GLDC: variants seen among roughly 807,000 people sequenced by gnomAD.
GLDC encodes glycine decarboxylase.
In GLDC, 104 loss-of-function variants were observed where a neutral mutation model predicts 121.3. That is an observed-to-expected ratio of 0.86 (90% CI 0.73 to 1.01). The LOEUF (loss-of-function observed/expected upper bound fraction) is 1.01. Ranked by LOEUF, GLDC falls within the 50% of genes least tolerant of loss-of-function variation. GLDC has a pLI of 0.00. For missense variants in GLDC, 1,429 were observed against 1,306.6 expected, an observed-to-expected ratio of 1.09 and a Z score of -1.44; for synonymous variants, 546 against 480.6, an observed-to-expected ratio of 1.14 and a Z score of -1.78.
chr9:6,604,873 A>T, intron 6 of GLDC, 89 bp from the exon 7 acceptor site: 1 of 1,109,700 alleles, frequency 9.0e-7, no homozygotes, highest in Non-Finnish European at 1.4e-6. Flanking sequence ...CTACAGGAAG[A>T]CGGGCAGAGT....
At chr9:6,576,402 C>G (rs1159898023) in intron 15 of GLDC, among the ~76,000 whole-genome samples, 1 of 152,126 alleles carries the variant, frequency 6.6e-6, no homozygotes, top group Non-Finnish European at 1.5e-5. Context: ...CCCTCATGAC[C>G]TAATTACCTG....
intron 2 of GLDC, among the ~76,000 whole-genome samples, chr9:6,641,775 C>A (rs1257340421): frequency 6.6e-6 from 1 of 152,196 alleles, no homozygotes; most frequent in Admixed American, 6.5e-5. Context: ...TATTTCCAAA[C>A]TGATCACAAT....
intron 21 of GLDC, among the ~76,000 whole-genome samples, chr9:6,544,327 C>T (rs1817338895): frequency 6.6e-6 from 1 of 152,056 alleles, no homozygotes; most frequent in African/African-American, 2.4e-5. Context: ...CCCTGCCCAC[C>T]CATACAGCAA....
intron 11 of GLDC, among the ~76,000 whole-genome samples, chr9:6,590,887 A>C (rs910176531): frequency 6.6e-6 from 1 of 152,224 alleles, no homozygotes; most frequent in Non-Finnish European, 1.5e-5. Flanking sequence ...TCATTTATGA[A>C]TGTTATCTGG....
intron 16 of GLDC, among the ~76,000 whole-genome samples, chr9:6,560,914 A>G (rs894702199): frequency 2.4e-4 from 36 of 152,338 alleles, no homozygotes; most frequent in African/African-American, 7.7e-4. Flanking sequence ...AAGTGTCCTC[A>G]TCAGAGGGAA....
At chr9:6,559,713 G>T (rs1361818336) in intron 16 of GLDC, among the ~76,000 whole-genome samples, 2 of 151,532 alleles carry the variant, frequency 1.3e-5, no homozygotes, top group Non-Finnish European at 2.9e-5. Flanking sequence ...TACTCAGGAG[G>T]CTGAGACAGA....
At chr9:6,626,645 C>T (rs908879298) in intron 2 of GLDC, among the ~76,000 whole-genome samples, 3 of 147,810 alleles carry the variant, frequency 2.0e-5, no homozygotes, top group African/African-American at 7.5e-5. Context: ...GTCTGAAGTC[C>T]CTAGACTCTC....
chr9:6,630,658 A>G (rs879355239), intron 2 of GLDC, among the ~76,000 whole-genome samples: 3 of 152,176 alleles, frequency 2.0e-5, no homozygotes, highest in African/African-American at 4.8e-5. Flanking sequence ...TGTTCTTGCC[A>G]ACATCCTAAT....
chr9:6,573,362 G>C (rs1818001667), intron 15 of GLDC, among the ~76,000 whole-genome samples: 1 of 152,190 alleles, frequency 6.6e-6, no homozygotes, highest in Non-Finnish European at 1.5e-5. Context: ...TTGGGAAGCT[G>C]AGACACAAGA....
chr9:6,623,527 C>T (rs1051578092), intron 2 of GLDC, among the ~76,000 whole-genome samples: 1 of 151,058 alleles, frequency 6.6e-6, no homozygotes, highest in African/African-American at 2.4e-5. Context: ...CCTTTGTTCA[C>T]TTGTTTATCT....
rs572787673 is a variant in GLDC at position 6,558,151 on chromosome 9, G to C, written c.2052+408C>G. ...TGGAAACCAAGCTGCATGATGCCAG[G>C]AATTCAGCATGATGGGGCTGGCACA... On this transcript the variant is annotated intron_variant, in intron 17 of 24. Transcript: ENST00000321612. 9.5e-6 allele frequency: 3 copies of C among 314,142 alleles called. No individual in the cohort carries two copies. In the South Asian group the frequency reaches 1.9e-4, roughly 20 times the overall value. The allele number at this position is 314,142 out of a possible 1,614,324, so 19.5% of individuals were successfully genotyped here. A position where few individuals can be genotyped will look rare whatever the true frequency, so the allele number is the denominator to read the frequency against.
intron 19 of GLDC, 84 bp downstream of exon 19, chr9:6,554,585 C>T (rs1288118127): frequency 8.3e-6 from 8 of 964,916 alleles, no homozygotes; most frequent in South Asian, 1.4e-5. Flanking sequence ...CACATGAAGA[C>T]TTTGATGGGA....
chr9:6,586,316 A>G (rs1275869657), intron 15 of GLDC, among the ~76,000 whole-genome samples: 1 of 152,132 alleles, frequency 6.6e-6, no homozygotes, highest in Non-Finnish European at 1.5e-5. Context: ...TAAATAAATA[A>G]AAATAAAAAT....
At chr9:6,620,471 T>G in intron 2 of GLDC, 152 bp from the exon 3 acceptor site, 1 of 667,794 alleles carries the variant, frequency 1.5e-6, no homozygotes, top group Non-Finnish European at 2.6e-6. Flanking sequence ...CTAAGTACTG[T>G]ATGCGACATC....
intron 21 of GLDC, chr9:6,541,448 C>G (rs558023405): frequency 6.6e-6 from 1 of 152,162 alleles, no homozygotes; most frequent in South Asian, 2.1e-4. Context: ...ACTTCTCAAG[C>G]CTGTGAAGAA....
rs757906469 is a variant in GLDC, at chr9:6,604,764, A to G, written c.882T>C (p.Thr294=). The G allele has an allele frequency of 1.5e-5, 24 of 1,614,078 alleles. No homozygotes were observed. Among genetic ancestry groups the G allele is most frequent in the Non-Finnish European group, 1.6e-5 (19 of 1,179,886 alleles). The part of the protein sequence containing the change: ...HQSGSLACCA[T]DLLALCILRP... Reference sequence around the variant, plus strand: ...TCAAGATGCACAAAGCTAAAAGGTCAGTAGCACAGCAGGCCAGGCTCTAGA... The same window carrying G: ...TCAAGATGCACAAAGCTAAAAGGTCGGTAGCACAGCAGGCCAGGCTCTAGA... The change falls in exon 7 of 25, where the codon ACT becomes ACC. Residue 294 remains threonine (T), a synonymous_variant. Transcript: ENST00000321612.
chr9:6,533,234 G>T (rs1282339468), intron 24 of GLDC, 74 bp from the exon 25 acceptor site: 12 of 1,258,334 alleles, frequency 9.5e-6, no homozygotes, highest in Non-Finnish European at 1.3e-5. Flanking sequence ...AGGTGGCAAT[G>T]CTAGTCCCAC....
chr9:6,610,336 T>A lies in GLDC; in HGVS notation c.491A>T (p.Tyr164Phe). ...NSGWITQYTP[Y>F]QPEVSQGRLE... ...CCTCCCCTGAGACACCTCAGGCTGGTATGGAGTATACTGGGTGATCCTGCA... is the reference window on the plus strand; with the variant it reads ...CCTCCCCTGAGACACCTCAGGCTGGAATGGAGTATACTGGGTGATCCTGCA... The change falls in exon 4 of 25, where the codon TAC (tyrosine) becomes TTC (phenylalanine). Residue 164 changes from tyrosine to phenylalanine, a missense_variant. By Grantham distance (22) the Tyr-to-Phe change is conservative. Coordinates refer to ENST00000321612, the MANE Select transcript of GLDC (RefSeq NM_000170.3). 6.2e-7 allele frequency: 1 copy of A among 1,613,920 alleles called. No homozygotes were observed. The highest frequency in any genetic ancestry group is 8.5e-7 in the Non-Finnish European group (1 of 1,179,838).
chr9:6,551,832 TC>T (rs1415238660), intron 20 of GLDC, among the ~76,000 whole-genome samples: 1 of 152,150 alleles, frequency 6.6e-6, no homozygotes, highest in Non-Finnish European at 1.5e-5. Context: ...GAGTTGTGAC[TC>T]CATTTTTAAG....
Sources: gnomAD v4.1 joint callset for allele counts (sites outside exome capture counted in the v4.1 genomes callset) on GRCh38, gnomAD v4.1.1 for gene constraint, MANE v1.5 for transcripts, NCBI Gene and HGNC (gene_info 2026-07-23, HGNC 2026-07-21) for gene names.